The following BRINP3 variants were observed in gnomAD, a reference collection of about 807,000 sequenced individuals.
BRINP3 encodes the protein BMP/retinoic acid-inducible neural-specific protein 3.
BRINP3 carries 19 observed loss-of-function variants against 71.0 expected under a neutral mutation model. The ratio of observed to expected loss-of-function variants is 0.27; its 90% CI spans 0.19 to 0.39. The LOEUF (loss-of-function observed/expected upper bound fraction) is 0.39, where lower values mean the gene tolerates loss of function less well. BRINP3 is among the 10% of genes least tolerant of loss of function. The probability of loss-of-function intolerance (pLI) is 1.00; values close to 1 mark genes in which losing one functional copy is unlikely to be tolerated. For missense variants in BRINP3, 959 were observed against 940.8 expected, an observed-to-expected ratio of 1.02 and a Z score of -0.25; for synonymous variants, 380 against 337.7, an observed-to-expected ratio of 1.13 and a Z score of -1.37.
At chr1:190,144,927 T>C (rs1260079232) in intron 7 of BRINP3, among the ~76,000 whole-genome samples, 3 of 152,196 alleles carry the variant, frequency 2.0e-5, no homozygotes, top group Non-Finnish European at 4.4e-5. Context: ...ACATATGGCA[T>C]ACTGCATTCT....
chr1:190,168,001 G>A (rs576771152), intron 6 of BRINP3, among the ~76,000 whole-genome samples: 3 of 152,118 alleles, frequency 2.0e-5, no homozygotes, highest in Admixed American at 2.0e-4. Flanking sequence ...GTTCAGCTCT[G>A]ACTTCAATGA....
intron 6 of BRINP3, among the ~76,000 whole-genome samples, chr1:190,180,420 T>G (rs1250593330): frequency 6.6e-6 from 1 of 152,090 alleles, no homozygotes; most frequent in Non-Finnish European, 1.5e-5. Flanking sequence ...CTATGTGGAC[T>G]TAGTGTGGTG....
intron 2 of BRINP3, among the ~76,000 whole-genome samples, chr1:190,368,337 G>A (rs1000377956): frequency 3.3e-5 from 5 of 152,108 alleles, no homozygotes; most frequent in Middle Eastern, 3.4e-3. Context: ...AATATCATGA[G>A]GGTCACCACC....
chr1:190,251,169 T>C (rs1208647510), intron 4 of BRINP3, among the ~76,000 whole-genome samples: 1 of 151,966 alleles, frequency 6.6e-6, no homozygotes, highest in Non-Finnish European at 1.5e-5. Flanking sequence ...GATTTTGAAA[T>C]TTCTACTCCC....
intron 2 of BRINP3, among the ~76,000 whole-genome samples, chr1:190,366,497 T>C (rs1195867185): frequency 6.6e-6 from 1 of 152,080 alleles, no homozygotes; most frequent in African/African-American, 2.4e-5. Context: ...AGCCAAATTA[T>C]ATCATTCCAC....
intron 2 of BRINP3, among the ~76,000 whole-genome samples, chr1:190,412,268 T>A (rs976271698): frequency 9.9e-5 from 15 of 151,720 alleles, no homozygotes; most frequent in African/African-American, 3.6e-4. Flanking sequence ...TATGTGAGAT[T>A]TTAATTGTCA....
chr1:190,164,125 C>T (rs577719127), intron 6 of BRINP3, among the ~76,000 whole-genome samples: 3 of 152,110 alleles, frequency 2.0e-5, no homozygotes, highest in South Asian at 2.1e-4. Flanking sequence ...TACATACCCC[C>T]GATTGGAATT....
chr1:190,267,964 A>T (rs889257611), intron 3 of BRINP3, among the ~76,000 whole-genome samples: 1 of 152,238 alleles, frequency 6.6e-6, no homozygotes, highest in East Asian at 1.9e-4. Flanking sequence ...ATTAGCACAG[A>T]TATCTAAAAA....
At chr1:190,309,582 C>T (rs958300025) in intron 2 of BRINP3, among the ~76,000 whole-genome samples, 1 of 151,672 alleles carries the variant, frequency 6.6e-6, no homozygotes, top group African/African-American at 2.4e-5. Flanking sequence ...TGGTATTAAC[C>T]TCATGATCGA....
intron 6 of BRINP3, among the ~76,000 whole-genome samples, chr1:190,208,900 G>C (rs1380370137): frequency 6.6e-6 from 1 of 151,562 alleles, no homozygotes; most frequent in Non-Finnish European, 1.5e-5. Context: ...TATCTTTAAA[G>C]TAAAAAAAAA....
intron 4 of BRINP3, among the ~76,000 whole-genome samples, chr1:190,255,008 T>C (rs1375173307): frequency 6.6e-6 from 1 of 152,036 alleles, no homozygotes; most frequent in Non-Finnish European, 1.5e-5. Flanking sequence ...CAAATGCCTT[T>C]TCTGCATCAA....
At chr1:190,163,064 A>G (rs1469409411) in intron 6 of BRINP3, among the ~76,000 whole-genome samples, 3 of 151,990 alleles carry the variant, frequency 2.0e-5, no homozygotes, top group Non-Finnish European at 4.4e-5. Context: ...TACTTAGAAG[A>G]CCCCCGGAAA....
chr1:190,379,128 A>G (rs2102235685), intron 2 of BRINP3, among the ~76,000 whole-genome samples: 1 of 152,338 alleles, frequency 6.6e-6, no homozygotes, highest in Middle Eastern at 3.4e-3. Context: ...AACAATATAC[A>G]AAAGATGGAA....
intron 7 of BRINP3, among the ~76,000 whole-genome samples, chr1:190,154,533 C>G (rs573871969): frequency 2.6e-5 from 4 of 152,118 alleles, no homozygotes; most frequent in Non-Finnish European, 5.9e-5. Context: ...GGAGAGTAAA[C>G]TACTGCTGAA....
rs1320953240 is a variant in BRINP3 at position 190,098,944 on chromosome 1, G to T, written c.1375C>A (p.Arg459Ser). ...CLTCAPDNRT[R>S]CGTCNTGYML... ...TAGCCGGTGTTGCAGGTGCCGCAGC[G>T]GGTGCGGTTGTCTGGTGCGCATGTC... The change falls in exon 8 of 8, where the codon CGC (arginine) becomes AGC (serine). Residue 459 changes from arginine to serine, a missense_variant. Transcript: ENST00000367462. 6.2e-7 allele frequency: 1 copy of T among 1,614,144 alleles called. No homozygotes were observed. The highest frequency in any genetic ancestry group is 2.2e-5 in the East Asian group (1 of 44,864).
chr1:190,174,222 T>A (rs1190393327), intron 6 of BRINP3, among the ~76,000 whole-genome samples: 1 of 152,136 alleles, frequency 6.6e-6, no homozygotes, highest in Non-Finnish European at 1.5e-5. Flanking sequence ...TCCCTTTTAT[T>A]GTCAAGGGAA....
chr1:190,432,012 T>C (rs1178494972), intron 2 of BRINP3, among the ~76,000 whole-genome samples: 1 of 152,126 alleles, frequency 6.6e-6, no homozygotes, highest in Non-Finnish European at 1.5e-5. Context: ...AAAAGGACTA[T>C]ACTAAAGGTA....
intron 7 of BRINP3, among the ~76,000 whole-genome samples, chr1:190,148,924 T>C (rs1419575211): frequency 1.3e-5 from 2 of 152,086 alleles, no homozygotes; most frequent in African/African-American, 4.8e-5. Context: ...AGAAATAACA[T>C]GGTAGAGTAA....
chr1:190,335,021 C>T (rs941028042), intron 2 of BRINP3, among the ~76,000 whole-genome samples: 13 of 151,754 alleles, frequency 8.6e-5, no homozygotes, highest in Non-Finnish European at 1.0e-4. Flanking sequence ...AAGATATTGC[C>T]TATTTTATAT....
Sources: allele counts gnomAD v4.1 joint callset (sites outside exome capture counted in the v4.1 genomes callset), GRCh38; gene constraint gnomAD v4.1.1; transcripts MANE v1.5; gene names NCBI Gene and HGNC (gene_info 2026-07-23, HGNC 2026-07-21).